Variants in CIC observed in about 807,000 individuals in gnomAD.
The protein encoded by CIC is protein capicua homolog.
A neutral mutation model predicts 115.7 loss-of-function variants in CIC; 18 were observed. The ratio of observed to expected loss-of-function variants is 0.16; its 90% CI spans 0.11 to 0.23. The LOEUF (loss-of-function observed/expected upper bound fraction) is 0.23, where lower values mean the gene tolerates loss of function less well. CIC is among the 10% of genes least tolerant of loss of function. CIC has a pLI of 1.00. For synonymous variants in CIC, 1,076 were observed against 923.0 expected (o/e 1.17, Z -3.01); for missense variants, 2,000 against 2,159.3 (o/e 0.93, Z 1.46).
At chr19:42,279,976 G>A in intron 2 of CIC, 1 of 152,882 alleles carries the variant, frequency 6.5e-6, no homozygotes, top group Non-Finnish European at 1.5e-5. Flanking sequence ...GCAGGCGCGC[G>A]CATGCGCGGC....
rs2037698889 is a variant in CIC, at chr19:42,286,993, T to C, written c.2945-13T>C. The C allele has an allele frequency of 9.3e-6, 15 of 1,608,756 alleles. No homozygotes were observed. Among genetic ancestry groups the C allele is most frequent in the Non-Finnish European group, 1.3e-5 (15 of 1,179,946 alleles). On this transcript the variant is annotated splice_polypyrimidine_tract_variant and intron_variant, in intron 3 of 20. Coordinates refer to ENST00000681038, the MANE Select transcript of CIC (RefSeq NM_001386298.1). ...TGGCCTAGGAGCCCTCTGATCTACC[T>C]CTGTGTCCCCAGAACCTGCTGAGTC... is the stretch of plus-strand genomic sequence containing the variant.
chr19:42,294,260 A>G lies in CIC; in HGVS notation c.7010A>G (p.Lys2337Arg). ...SSCSSEPNTP[K>R]SAKCEGDIFT... ...TGCAGCTCGGAGCCCAACACCCCCA[A>G]GAGTGCCAAGTGCGAGGGGGACATC... The change falls in exon 19 of 21, where the codon AAG becomes AGG. Residue 2337 changes from lysine (K) to arginine (R), a missense_variant. Physicochemically the swap from Lys to Arg is conservative, Grantham distance 26. Coordinates refer to ENST00000681038, the MANE Select transcript of CIC (RefSeq NM_001386298.1). The G allele has an allele frequency of 1.9e-6, 3 of 1,613,728 alleles. No homozygotes were observed. Among genetic ancestry groups the G allele is most frequent in the Non-Finnish European group, 2.5e-6 (3 of 1,180,022 alleles).
At chr19:42,292,231 CAG>C (rs755162930) in intron 13 of CIC, 24 bp downstream of exon 13, 2 of 1,613,838 alleles carry the variant, frequency 1.2e-6, no homozygotes, top group Non-Finnish European at 8.5e-7. Flanking sequence ...AGCCCATACT[CAG>C]AGGCCAGGGA....
At chr19:42,289,817 C>T (rs370908072) in intron 9 of CIC, 31 bp from the exon 10 acceptor site, 4 of 1,534,110 alleles carry the variant, frequency 2.6e-6, no homozygotes, top group African/African-American at 2.7e-5. Context: ...CATCTAGCCC[C>T]CTCCCCATAC....
chr19:42,275,892 G>A (rs1218046665), intron 2 of CIC, among the ~76,000 whole-genome samples: 1 of 152,084 alleles, frequency 6.6e-6, no homozygotes, highest in East Asian at 1.9e-4. Flanking sequence ...TGTGCTGGAT[G>A]GTGCTGAGGA....
Position 42,289,869 on chromosome 19 carries a change from C to G in CIC, c.4109C>G (p.Thr1370Ser), listed in dbSNP as rs539793517. ...DVIADDGFGT[T>S]DIDLKCKERV... ...TCAGCTGACGATGGCTTCGGCACCA[C>G]TGACATTGATCTCAAGTGCAAGGAG... The change falls in exon 10 of 21, where the codon ACT becomes AGT. Residue 1370 changes from threonine to serine, a missense_variant. Coordinates refer to ENST00000681038, the MANE Select transcript of CIC (RefSeq NM_001386298.1). 7 of 1,607,542 alleles carry G rather than the reference C, an allele frequency of 4.4e-6. No homozygotes were observed. Among genetic ancestry groups the G allele is most frequent in the Non-Finnish European group, 5.9e-6 (7 of 1,177,346 alleles).
intron 20 of CIC, 31 bp from the exon 21 acceptor site, chr19:42,294,793 C>T (rs772478685): frequency 2.5e-6 from 4 of 1,607,294 alleles, no homozygotes; most frequent in Non-Finnish European, 2.5e-6. Context: ...TACATCTCAT[C>T]CTGTGCTCCC....
In CIC at chr19:42,286,778, G is replaced by A. The variant is rs372825587; in HGVS notation, c.2802G>A (p.Thr934=). ...CCTGGCTCCTTTCCACAGTGTGGAC[G>A]AATGTGGAACCTCGCTCTGTGGCTG... ...VIMGRPGTVW[T]NVEPRSVAVF... The change falls in exon 3 of 21, where the codon ACG becomes ACA. Residue 934 remains threonine, a synonymous_variant. Coordinates refer to ENST00000681038, the MANE Select transcript of CIC (RefSeq NM_001386298.1). The A allele has an allele frequency of 1.2e-5, 19 of 1,613,858 alleles. No homozygotes were observed. The highest frequency in any genetic ancestry group is 4.5e-5 in the East Asian group (2 of 44,882).
chr19:42,275,181 G>A (rs974978509), intron 2 of CIC, among the ~76,000 whole-genome samples: 3 of 152,168 alleles, frequency 2.0e-5, no homozygotes, highest in Admixed American at 6.5e-5. Flanking sequence ...CCGTGACCAC[G>A]TGGTCATAGT....
At position 42,289,301 on chromosome 19, in the gene CIC, C is replaced by T. The variant is rs2147233996; in HGVS notation, c.3982C>T (p.Leu1328=). 1.2e-6 allele frequency: 2 copies of T among 1,614,010 alleles called. No individual in the cohort carries two copies. The highest frequency in any genetic ancestry group is 1.7e-6 in the Non-Finnish European group (2 of 1,180,024). Residue 1328 remains leucine, a synonymous_variant, in exon 9 of 21, where the codon CTG becomes TTG. Coordinates refer to ENST00000681038, the MANE Select transcript of CIC (RefSeq NM_001386298.1). Reference sequence around the variant, plus strand: ...GGCGGCCACTGGGCGGCCCCCGCTGCTGCCCACCCGAGCTTCTCGTTCTCA... The same window carrying T: ...GGCGGCCACTGGGCGGCCCCCGCTGTTGCCCACCCGAGCTTCTCGTTCTCA... ...ALAATGRPPL[L]PTRASRSQRA...
rs1599943885 is a variant in CIC at position 42,295,337 on chromosome 19, C to G, written c.*146C>G. The stretch of plus-strand genomic sequence containing the variant: ...ATGAGGCCTGCTCCTCTTGTAAATA[C>G]CCCCTTCCCTCGAAGCTCCCTCCCG... On this transcript the variant is annotated 3_prime_UTR_variant, in exon 21 of 21. Transcript: ENST00000681038. 1 of 705,506 alleles carries G rather than the reference C, an allele frequency of 1.4e-6. No homozygotes were observed. The highest frequency in any genetic ancestry group is 2.8e-5 in the East Asian group (1 of 36,208). 43.7% of individuals were successfully genotyped at this position (705,506 alleles called of 1,614,324 possible).
upstream of CIC, among the ~76,000 whole-genome samples, chr19:42,269,027 C>A (rs1179100656): frequency 6.6e-6 from 1 of 152,150 alleles, no homozygotes; most frequent in African/African-American, 2.4e-5. Context: ...GCAGATCAGG[C>A]AGTCGTAGGC....
Position 42,289,034 on chromosome 19 carries a change from G to T in CIC, c.3805G>T (p.Val1269Leu). The change falls in exon 8 of 21, where the codon GTA becomes TTA. Residue 1269 changes from valine (V) to leucine (L), a missense_variant. Physicochemically the swap from Val to Leu is conservative, Grantham distance 32. Around this residue, in one of 8 missense-constraint regions of CIC, gnomAD observed 1,466 missense variants for 1,390.4 expected, o/e 1.05. Transcript: ENST00000681038. ...GCCCCGAGCTTTCTCCCACAGCGGG[G>T]TACACAGCCTGGACGGCGGAGAAGT... The part of the protein sequence containing the change: ...ARPRAFSHSG[V>L]HSLDGGEVDS... 1 of 1,613,816 alleles carries T rather than the reference G, an allele frequency of 6.2e-7. No homozygotes were observed. The highest frequency in any genetic ancestry group is 8.5e-7 in the Non-Finnish European group (1 of 1,180,042).
chr19:42,292,718 C>A lies in CIC; in HGVS notation c.6055C>A (p.Gln2019Lys). The A allele has an allele frequency of 6.2e-7, 1 of 1,613,922 alleles. No homozygotes were observed. The highest frequency in any genetic ancestry group is 1.1e-5 in the South Asian group (1 of 91,088). ...PAPTSSAPLA[Q>K]PSQAPPSLVY... ...ACCCACCTCCTCAGCACCCCTGGCC[C>A]AGCCATCCCAGGCCCCCCCAAGCCT... is the stretch of plus-strand genomic sequence containing the variant. The change falls in exon 15 of 21, where the codon CAG (glutamine) becomes AAG (lysine). Residue 2019 changes from glutamine to lysine, a missense_variant. Gln to Lys is a moderately conservative substitution (Grantham distance 53). This residue lies in a region of CIC where 1,466 missense variants were observed against 1,390.4 expected (regional missense o/e 1.05). Coordinates refer to ENST00000681038, the MANE Select transcript of CIC (RefSeq NM_001386298.1).
At chr19:42,271,653 G>A (rs2036793939) in intron 1 of CIC, 121 bp from the exon 2 acceptor site, 2 of 397,788 alleles carry the variant, frequency 5.0e-6, no homozygotes, top group South Asian at 2.8e-4. Flanking sequence ...AGCCAGAGAG[G>A]AGGCCTTGGG....
rs372969386 is a variant in CIC at position 42,293,260 on chromosome 19, C to T, written c.6501C>T (p.Ser2167=). The T allele has an allele frequency of 1.0e-5, 16 of 1,582,424 alleles. No individual in the cohort carries two copies. Among genetic ancestry groups the T allele is most frequent in the Middle Eastern group, 1.8e-4 (1 of 5,612 alleles). ...CCCCACCTGCTGAGGAGCGGACCAGCGCCAAGGGCCCTGAGACCATGGTGA... is the reference window on the plus strand; with the variant it reads ...CCCCACCTGCTGAGGAGCGGACCAGTGCCAAGGGCCCTGAGACCATGGTGA... The part of the protein sequence containing the change: ...PLPPPAEERT[S]AKGPETMASK... The change falls in exon 16 of 21, where the codon AGC becomes AGT. Residue 2167 remains serine, a synonymous_variant. Transcript: ENST00000681038.
At position 42,286,860 on chromosome 19, in the gene CIC, G is replaced by A. The variant is rs779223688; in HGVS notation, c.2884G>A (p.Val962Met). The A allele has an allele frequency of 9.3e-6, 15 of 1,613,394 alleles. No individual in the cohort carries two copies. Among genetic ancestry groups the A allele is most frequent in the South Asian group, 2.2e-5 (2 of 91,086 alleles). ...GGCACCCAGCCAGCCTGACCCCTCC[G>A]TGCAGCCGAGCGAGGCCCAGCAACC... The part of the protein sequence containing the change: ...FLAPSQPDPS[V>M]QPSEAQQPAS... The change falls in exon 3 of 21, where the codon GTG (valine) becomes ATG (methionine). Residue 962 changes from valine to methionine, a missense_variant. Coordinates refer to ENST00000681038, the MANE Select transcript of CIC (RefSeq NM_001386298.1).
chr19:42,289,141 C>T (rs778191450), intron 8 of CIC, 40 bp from the exon 9 acceptor site: 7 of 1,613,178 alleles, frequency 4.3e-6, no homozygotes, highest in Non-Finnish European at 5.9e-6. Context: ...CTGTCCAGGG[C>T]AGCAGCCCCG....
chr19:42,276,010 G>A (rs1317812271), intron 2 of CIC, among the ~76,000 whole-genome samples: 1 of 152,168 alleles, frequency 6.6e-6, no homozygotes, highest in Non-Finnish European at 1.5e-5. Context: ...CCAGGAGGCC[G>A]TGGGAGCCCA....
Sources: gnomAD v4.1 joint callset for allele counts (sites outside exome capture counted in the v4.1 genomes callset) on GRCh38, gnomAD v4.1.1 for gene constraint, gnomAD v4.1.1 regional missense constraint, MANE v1.5 for transcripts, NCBI Gene and HGNC (gene_info 2026-07-23, HGNC 2026-07-21) for gene names.